PPP1R36: variants seen among roughly 807,000 people sequenced by gnomAD.
PPP1R36 encodes chromosome 14 open reading frame 50.
In PPP1R36, 47 loss-of-function variants were observed where a neutral mutation model predicts 53.4. That is an observed-to-expected ratio of 0.88 (90% CI 0.70 to 1.12). The LOEUF (loss-of-function observed/expected upper bound fraction) is 1.12. Ranked by LOEUF, PPP1R36 falls within the 50% of genes most tolerant of loss-of-function variation. The pLI is 0.00. For synonymous variants in PPP1R36, 153 were observed against 170.5 expected (o/e 0.90, Z 0.80); for missense variants, 456 against 513.9 (o/e 0.89, Z 1.09).
intron 8 of PPP1R36, among the ~76,000 whole-genome samples, chr14:64,583,290 T>C (rs1315815507): frequency 6.6e-6 from 1 of 151,842 alleles, no homozygotes; most frequent in Non-Finnish European, 1.5e-5. Flanking sequence ...AATATAAAAA[T>C]TATAAAATAC....
At chr14:64,556,796 A>G (rs201238026) in intron 3 of PPP1R36, among the ~76,000 whole-genome samples, 1 of 31,574 alleles carries the variant, frequency 3.2e-5, no homozygotes, top group East Asian at 2.2e-3. Flanking sequence ...GTGTGTGTGT[A>G]AACATTTAAA....
intron 3 of PPP1R36, among the ~76,000 whole-genome samples, chr14:64,557,995 A>G (rs1485514636): frequency 5.7e-5 from 3 of 52,792 alleles, no homozygotes; most frequent in Admixed American, 5.4e-4. Context: ...GGTGAAAGAA[A>G]AAAAATAGAG....
At position 64,576,482 on chromosome 14, in the gene PPP1R36, G is replaced by A. The variant is rs148483082; in HGVS notation, c.668+1893G>A. On this transcript the variant is annotated intron_variant, in intron 8 of 11. Coordinates refer to ENST00000298705, the MANE Select transcript of PPP1R36 (RefSeq NM_172365.3). ...TTCTTCTTGGCTATTCATAAGGATC[G>A]TATATTAGTTTATAAAGTTAAAAAA... Among the ~76,000 whole-genome samples, 573 of 152,228 alleles carry A rather than the reference G, an allele frequency of 3.8e-3. 2 individuals are homozygous for A. Among genetic ancestry groups the A allele is most frequent in the African/African-American group, 0.013 (536 of 41,534 alleles).
At chr14:64,587,708 C>T (rs751605100) in intron 10 of PPP1R36, among the ~76,000 whole-genome samples, 2 of 151,612 alleles carry the variant, frequency 1.3e-5, no homozygotes, top group Non-Finnish European at 2.9e-5. Context: ...CTGATTCACA[C>T]GCCTCAGCCT....
At chr14:64,554,393 C>T (rs976324435) in intron 3 of PPP1R36, among the ~76,000 whole-genome samples, 7 of 152,182 alleles carry the variant, frequency 4.6e-5, no homozygotes, top group African/African-American at 1.7e-4. Context: ...TCAGGTGATC[C>T]ACCCACCTCG....
At chr14:64,569,928 G>C (rs2080290043) in intron 7 of PPP1R36, among the ~76,000 whole-genome samples, 1 of 151,454 alleles carries the variant, frequency 6.6e-6, no homozygotes, top group Non-Finnish European at 1.5e-5. Context: ...TAGTAGAGAT[G>C]GGGTTTCACC....
chr14:64,556,762 A>ATGTTGTGTGTGTGTG (rs1555351247), intron 3 of PPP1R36, among the ~76,000 whole-genome samples: 1 of 133,970 alleles, frequency 7.5e-6, no homozygotes, highest in Non-Finnish European at 1.6e-5. Context: ...TCTCCAAAAA[A>ATGTTGTGTGTGTGTG]TGTGTGTGTG....
intron 8 of PPP1R36, among the ~76,000 whole-genome samples, chr14:64,583,332 C>G (rs967797607): frequency 6.6e-5 from 10 of 151,968 alleles, no homozygotes; most frequent in Non-Finnish European, 1.0e-4. Flanking sequence ...TCAAAATATA[C>G]CAGCCAGAAG....
chr14:64,560,103 CAAAAAAAAAAAAA>C (rs1171697200), intron 3 of PPP1R36, among the ~76,000 whole-genome samples: 12 of 27,446 alleles, frequency 4.4e-4, no homozygotes, highest in East Asian at 1.5e-3. Context: ...GAATCTGTCA[CAAAAAAAAAAAAA>C]AAAAAAAAAA....
At chr14:64,553,867 T>C in intron 3 of PPP1R36, among the ~76,000 whole-genome samples, 1 of 145,006 alleles carries the variant, frequency 6.9e-6, no homozygotes, top group South Asian at 2.2e-4. Flanking sequence ...CCGGACTACG[T>C]GGAGTACACA....
At chr14:64,578,928 T>C (rs1023570005) in intron 8 of PPP1R36, among the ~76,000 whole-genome samples, 3 of 152,244 alleles carry the variant, frequency 2.0e-5, no homozygotes, top group Admixed American at 2.0e-4. Context: ...TCTGCAGCTA[T>C]AAAAAAGAAT....
chr14:64,580,649 G>A (rs1399688371), intron 8 of PPP1R36, among the ~76,000 whole-genome samples: 2 of 152,258 alleles, frequency 1.3e-5, no homozygotes, highest in Admixed American at 6.5e-5. Context: ...AAGAATGAGC[G>A]CAGATCTCAC....
intron 1 of PPP1R36, 132 bp downstream of exon 1, chr14:64,550,198 A>G (rs1172462340): frequency 6.9e-6 from 10 of 1,444,272 alleles, no homozygotes; most frequent in Non-Finnish European, 9.1e-6. Flanking sequence ...GGCGGTTCTC[A>G]AAGACACCTG....
At chr14:64,568,020 T>C (rs1023356189) in intron 6 of PPP1R36, among the ~76,000 whole-genome samples, 1 of 152,174 alleles carries the variant, frequency 6.6e-6, no homozygotes, top group Non-Finnish European at 1.5e-5. Flanking sequence ...GAGGAGAGAA[T>C]TTTTACTTGA....
intron 3 of PPP1R36, among the ~76,000 whole-genome samples, chr14:64,556,632 G>A (rs111629185): frequency 0.011 from 1,588 of 146,040 alleles, 17 homozygotes; most frequent in South Asian, 0.03. Flanking sequence ...TAATTAGCTG[G>A]GCCTGGTGGT....
intron 3 of PPP1R36, among the ~76,000 whole-genome samples, 168 bp from the exon 4 acceptor site, chr14:64,564,583 A>G (rs1261054785): frequency 6.6e-6 from 1 of 152,132 alleles, no homozygotes; most frequent in Non-Finnish European, 1.5e-5. Flanking sequence ...TGAAGTTTTA[A>G]TTTTTTCTCT....
At chr14:64,573,515 A>T (rs1421181487) in intron 7 of PPP1R36, among the ~76,000 whole-genome samples, 1 of 152,202 alleles carries the variant, frequency 6.6e-6, no homozygotes, top group Non-Finnish European at 1.5e-5. Flanking sequence ...GTAGGCTGCT[A>T]ACCGCCTGAG....
Position 64,589,246 on chromosome 14 carries a change from C to T in PPP1R36, c.1177C>T (p.Pro393Ser). 2 of 1,613,728 alleles carry T rather than the reference C, an allele frequency of 1.2e-6. No homozygotes were observed. ...AAACACAAAATCATTTGGGAGATAT[C>T]CTTCCTTGATGGAAAACAATAACAT... ...EENTKSFGRY[P>S]SLMENNNMRI... Residue 393 changes from proline to serine, a missense_variant, in exon 12 of 12, where the codon CCT becomes TCT. Coordinates refer to ENST00000298705, the MANE Select transcript of PPP1R36 (RefSeq NM_172365.3).
intron 7 of PPP1R36, among the ~76,000 whole-genome samples, chr14:64,569,277 G>A (rs1237442265): frequency 6.6e-6 from 1 of 152,142 alleles, no homozygotes; most frequent in Non-Finnish European, 1.5e-5. Flanking sequence ...GCCCTCCCCA[G>A]TACGTGTGGA....
Sources: gnomAD v4.1 joint callset for allele counts (sites outside exome capture counted in the v4.1 genomes callset) on GRCh38, gnomAD v4.1.1 for gene constraint, MANE v1.5 for transcripts, NCBI Gene and HGNC (gene_info 2026-07-23, HGNC 2026-07-21) for gene names.